Variants in ERG observed in about 807,000 individuals in gnomAD.
The protein encoded by ERG is transcriptional regulator ERG.
Under a neutral mutation model 55.3 loss-of-function variants are expected in ERG, and 9 were observed. The ratio of observed to expected loss-of-function variants is 0.16; its 90% CI spans 0.10 to 0.28. The LOEUF (loss-of-function observed/expected upper bound fraction) is 0.28. ERG is among the 10% of genes least tolerant of loss of function. The pLI, the probability that ERG is intolerant of heterozygous loss-of-function variation, is 1.00. For synonymous variants in ERG, 223 were observed against 237.3 expected, an observed-to-expected ratio of 0.94 and a Z score of 0.55; for missense variants, 434 against 631.6, an observed-to-expected ratio of 0.69 and a Z score of 3.35.
rs1260408633 is a variant in ERG, at chr21:38,382,137, C to A, written c.*1266G>T. 9.5e-7 allele frequency: 1 copy of A among 1,054,528 alleles called. No individual in the cohort carries two copies. The allele number at this position is 1,054,528 out of a possible 1,614,324, so 65.3% of individuals were successfully genotyped here. ...AGCATACAGAGTTAAAATTCAAGGCCACATTATATCGATTGTCTCTTTTGT... is the reference window on the plus strand; with the variant it reads ...AGCATACAGAGTTAAAATTCAAGGCAACATTATATCGATTGTCTCTTTTGT... On this transcript the variant is annotated 3_prime_UTR_variant, in exon 10 of 10. Coordinates refer to ENST00000288319, the MANE Select transcript of ERG (RefSeq NM_182918.4).
intron 1 of ERG, among the ~76,000 whole-genome samples, chr21:38,580,903 G>A (rs954104084): frequency 2.6e-5 from 4 of 152,152 alleles, no homozygotes; most frequent in African/African-American, 9.7e-5. Context: ...GAGACCCCTC[G>A]ACCCTACCCC....
At chr21:38,587,800 C>T (rs763112483), upstream of ERG, among the ~76,000 whole-genome samples, 3 of 152,150 alleles carry the variant, frequency 2.0e-5, no homozygotes, top group Admixed American at 1.3e-4. Flanking sequence ...GTTTTAAAAG[C>T]GTGAACTAAG....
rs73439097 is a variant in ERG, at chr21:38,485,831, G to T, written c.18+12532C>A. Among the ~76,000 whole-genome samples the T allele has an allele frequency of 6.4e-3, 970 of 152,030 alleles. 20 individuals are homozygous for T. Among genetic ancestry groups the T allele is most frequent in the African/African-American group, 0.021 (878 of 41,398 alleles). The stretch of plus-strand genomic sequence containing the variant: ...CTTTCACATTCACTAACCACTCACT[G>T]ATTCACCCAGATCCACAGCCACTTT... On this transcript the variant is annotated intron_variant, in intron 1 of 9. Coordinates refer to ENST00000288319, the MANE Select transcript of ERG (RefSeq NM_182918.4).
At chr21:38,639,772 C>T (rs1017285878) in intron 1 of ERG, among the ~76,000 whole-genome samples, 5 of 152,174 alleles carry the variant, frequency 3.3e-5, no homozygotes, top group Admixed American at 1.3e-4. Flanking sequence ...CTTTCCAAAT[C>T]GTGAGGGAAA....
At chr21:38,482,144 G>A (rs574438380) in intron 1 of ERG, among the ~76,000 whole-genome samples, 8 of 152,180 alleles carry the variant, frequency 5.3e-5, no homozygotes, top group South Asian at 4.1e-4. Context: ...TCATGTACTC[G>A]GCAGCACTCA....
chr21:38,559,979 G>T (rs945089517), intron 2 of ERG, among the ~76,000 whole-genome samples: 1 of 152,144 alleles, frequency 6.6e-6, no homozygotes, highest in African/African-American at 2.4e-5. Flanking sequence ...CACCACACCC[G>T]GCCTCATCTT....
intron 2 of ERG, among the ~76,000 whole-genome samples, chr21:38,507,741 T>C (rs1382331040): frequency 3.3e-5 from 5 of 152,142 alleles, no homozygotes; most frequent in African/African-American, 1.2e-4. Flanking sequence ...GCCAGTTTCA[T>C]TCAGTCCAGC....
intron 2 of ERG, among the ~76,000 whole-genome samples, chr21:38,540,185 G>A (rs528243883): frequency 1.3e-5 from 2 of 152,144 alleles, no homozygotes; most frequent in South Asian, 4.2e-4. Flanking sequence ...CTGAGCCACT[G>A]TGCCAGTTAA....
At chr21:38,443,185 G>A (rs182507794) in intron 2 of ERG, among the ~76,000 whole-genome samples, 211 of 152,294 alleles carry the variant, frequency 1.4e-3, no homozygotes, top group Non-Finnish European at 2.4e-3. Flanking sequence ...CACTGTTCTC[G>A]CCTCCTCACT....
intron 2 of ERG, among the ~76,000 whole-genome samples, chr21:38,536,678 A>G (rs1384171533): frequency 6.6e-6 from 1 of 150,696 alleles, no homozygotes; most frequent in Non-Finnish European, 1.5e-5. Flanking sequence ...CAAACAAGAC[A>G]ATGGAAGTCT....
rs1221202868 is a variant in ERG, at chr21:38,381,335, G to T, written c.*2068C>A. On this transcript the variant is annotated 3_prime_UTR_variant, in exon 10 of 10. Transcript: ENST00000288319. ...TTCACCTTTTGAGTTGCCTTCACCTGGACCAAGGTTGGCAGCATTTGTGAT... is the reference window on the plus strand; with the variant it reads ...TTCACCTTTTGAGTTGCCTTCACCTTGACCAAGGTTGGCAGCATTTGTGAT... 3 of 1,064,280 alleles carry T rather than the reference G, an allele frequency of 2.8e-6. No homozygotes were observed. In the Admixed American group the frequency reaches 1.6e-4, roughly 57 times the overall value. 65.9% of individuals were successfully genotyped at this position (1,064,280 alleles called of 1,614,324 possible).
rs528855335 is a variant in ERG at position 38,410,619 on chromosome 21, T to C, written c.389-6910A>G. Among the ~76,000 whole-genome samples the C allele has an allele frequency of 2.0e-5, 3 of 152,288 alleles. No homozygotes were observed. In the South Asian group the frequency reaches 6.2e-4, roughly 32 times the overall value. On this transcript the variant is annotated intron_variant, in intron 3 of 9. Coordinates refer to ENST00000288319, the MANE Select transcript of ERG (RefSeq NM_182918.4). ...GAGGAAGGCTGACATTTAAAAAAAA[T>C]ATTTCCATGAAACAGGATTCTGACC...
intron 2 of ERG, among the ~76,000 whole-genome samples, chr21:38,573,371 C>T (rs2059972689): frequency 6.6e-6 from 1 of 152,214 alleles, no homozygotes; most frequent in African/African-American, 2.4e-5. Context: ...AGGAAGGCCA[C>T]TGTCTCCTGT....
chr21:38,401,617 G>A (rs1988498086), intron 5 of ERG, among the ~76,000 whole-genome samples: 1 of 152,140 alleles, frequency 6.6e-6, no homozygotes, highest in African/African-American at 2.4e-5. Flanking sequence ...TTCTATGTGA[G>A]GGCTGATCGT....
chr21:38,380,922 A>T lies in ERG; in HGVS notation c.*2481T>A. The stretch of plus-strand genomic sequence containing the variant: ...GAATGTAGGTGTGTCTTGACTTTGC[A>T]TTCCAAAATAAAAATGACTGATCTT... On this transcript the variant is annotated 3_prime_UTR_variant, in exon 10 of 10. Coordinates refer to ENST00000288319, the MANE Select transcript of ERG (RefSeq NM_182918.4). The T allele has an allele frequency of 2.8e-6, 3 of 1,065,412 alleles. No individual in the cohort carries two copies. Among genetic ancestry groups the T allele is most frequent in the Non-Finnish European group, 3.4e-6 (3 of 879,322 alleles). 66.0% of individuals were successfully genotyped at this position (1,065,412 alleles called of 1,614,324 possible). A position where few individuals can be genotyped will look rare whatever the true frequency, so the allele number is the denominator to read the frequency against.
chr21:38,396,266 G>A (rs1988206520), intron 6 of ERG, among the ~76,000 whole-genome samples: 1 of 152,210 alleles, frequency 6.6e-6, no homozygotes, highest in Non-Finnish European at 1.5e-5. Context: ...TGAGCATGGA[G>A]TTTTGGAAAC....
chr21:38,476,642 A>G (rs1321127162), intron 1 of ERG, among the ~76,000 whole-genome samples: 1 of 152,198 alleles, frequency 6.6e-6, no homozygotes, highest in African/African-American at 2.4e-5. Context: ...CTGGAGAGCA[A>G]TTAACCTTCA....
intron 1 of ERG, among the ~76,000 whole-genome samples, chr21:38,644,361 T>G (rs463501): frequency 0.82 from 124,314 of 152,202 alleles, 51,250 homozygotes; most frequent in African/African-American, 0.94. Flanking sequence ...ATTGATTTTC[T>G]TAAAGGAGAT....
intron 2 of ERG, among the ~76,000 whole-genome samples, chr21:38,508,853 C>A (rs2059489741): frequency 6.6e-6 from 1 of 152,210 alleles, no homozygotes; most frequent in South Asian, 2.1e-4. Flanking sequence ...AGCTATGTGG[C>A]TTCCAAGGCT....
Sources: allele counts gnomAD v4.1 joint callset (sites outside exome capture counted in the v4.1 genomes callset), GRCh38; gene constraint gnomAD v4.1.1; transcripts MANE v1.5; gene names NCBI Gene and HGNC (gene_info 2026-07-23, HGNC 2026-07-21).